SNX27: variants seen among roughly 807,000 people sequenced by gnomAD.
SNX27 encodes the protein sorting nexin-27.
SNX27 carries 22 observed loss-of-function variants against 71.6 expected under a neutral mutation model. The ratio of observed to expected loss-of-function variants is 0.31; its 90% CI spans 0.22 to 0.44. The LOEUF is 0.44. Ranked by LOEUF, SNX27 falls within the 20% of genes least tolerant of loss-of-function variation. The pLI is 1.00. For synonymous variants in SNX27, 269 were observed against 277.2 expected (o/e 0.97, Z 0.29); for missense variants, 531 against 698.6 (o/e 0.76, Z 2.70).
chr1:151,644,877 C>T (rs1166826837), intron 2 of SNX27, among the ~76,000 whole-genome samples: 1 of 152,086 alleles, frequency 6.6e-6, no homozygotes, highest in African/African-American at 2.4e-5. Flanking sequence ...TGGCCCACTG[C>T]AGCCTCTGCC....
At position 151,648,603 on chromosome 1, in the gene SNX27, G is replaced by A. The variant is rs564025393; in HGVS notation, c.543+9484G>A. 2.0e-5 allele frequency among the ~76,000 whole-genome samples: 3 copies of A among 152,100 alleles called. No homozygotes were observed. In the East Asian group the frequency reaches 5.8e-4, roughly 30 times the overall value. On this transcript the variant is annotated intron_variant, in intron 2 of 11. Transcript: ENST00000458013. ...CCTGGCTAATTTTGTATTTTTAGTAGAGACAGGGTTTCTCCATGTTGTCCA... is the reference window on the plus strand; with the variant it reads ...CCTGGCTAATTTTGTATTTTTAGTAAAGACAGGGTTTCTCCATGTTGTCCA...
intron 4 of SNX27, among the ~76,000 whole-genome samples, chr1:151,661,863 A>G (rs1669977656): frequency 6.6e-6 from 1 of 152,174 alleles, no homozygotes; most frequent in African/African-American, 2.4e-5. Context: ...TGAATGGGGA[A>G]AGGGAAGCGA....
At chr1:151,616,741 G>T (rs904533921) in intron 1 of SNX27, among the ~76,000 whole-genome samples, 1 of 152,174 alleles carries the variant, frequency 6.6e-6, no homozygotes, top group Non-Finnish European at 1.5e-5. Context: ...TTGAAATAAT[G>T]AAATCATGGT....
chr1:151,645,401 A>T (rs999714876), intron 2 of SNX27, among the ~76,000 whole-genome samples: 1 of 152,150 alleles, frequency 6.6e-6, no homozygotes, highest in Non-Finnish European at 1.5e-5. Context: ...CATATTTATG[A>T]ATGTTACATT....
chr1:151,673,821 T>C (rs187760883), intron 7 of SNX27, among the ~76,000 whole-genome samples: 19 of 152,332 alleles, frequency 1.2e-4, no homozygotes, highest in African/African-American at 4.3e-4. Context: ...ATTTTTGTCT[T>C]ACAATCTATT....
intron 5 of SNX27, among the ~76,000 whole-genome samples, chr1:151,665,129 A>AGAG (rs1433638097): frequency 4.6e-5 from 7 of 152,206 alleles, no homozygotes; most frequent in African/African-American, 1.7e-4. Context: ...GGCATGAAAA[A>AGAG]GAGATACCTT....
intron 7 of SNX27, among the ~76,000 whole-genome samples, chr1:151,674,914 T>G (rs1405703305): frequency 6.6e-6 from 1 of 151,164 alleles, no homozygotes; most frequent in Non-Finnish European, 1.5e-5. Context: ...TCTTGATCTC[T>G]TGACCTTGTG....
chr1:151,650,956 G>T (rs1445690766), intron 2 of SNX27, among the ~76,000 whole-genome samples: 22 of 152,288 alleles, frequency 1.4e-4, no homozygotes, highest in African/African-American at 4.1e-4. Context: ...GGCAGAAGAA[G>T]TTTTCTTAGT....
chr1:151,677,420 C>A (rs1017361503), intron 7 of SNX27: 20 of 152,038 alleles, frequency 1.3e-4, no homozygotes, highest in African/African-American at 4.6e-4. Context: ...GTAGAAAAAT[C>A]ATTAGCTAGG....
intron 7 of SNX27, among the ~76,000 whole-genome samples, chr1:151,668,852 A>G (rs973578634): frequency 6.6e-6 from 1 of 152,206 alleles, no homozygotes; most frequent in African/African-American, 2.4e-5. Flanking sequence ...TTTTTTAAAT[A>G]TGTATTCTAA....
chr1:151,676,375 G>A (rs1343621694), intron 7 of SNX27: 4 of 125,098 alleles, frequency 3.2e-5, no homozygotes, highest in Non-Finnish European at 6.4e-5. Context: ...GCACAATCTC[G>A]GCTCACTGCA....
intron 11 of SNX27, chr1:151,693,965 A>G (rs2102746141): frequency 1.6e-6 from 2 of 1,258,872 alleles, no homozygotes; most frequent in South Asian, 2.5e-5. Flanking sequence ...AAGATTCTGA[A>G]TAATTAGTTA....
intron 1 of SNX27, among the ~76,000 whole-genome samples, chr1:151,624,409 T>A (rs892750390): frequency 7.7e-6 from 1 of 129,778 alleles, no homozygotes; most frequent in Non-Finnish European, 1.6e-5. Context: ...TAGCTTGATT[T>A]TATATATATA....
At chr1:151,660,072 C>A (rs1049371874) in intron 3 of SNX27, 2 of 151,994 alleles carry the variant, frequency 1.3e-5, no homozygotes, top group Non-Finnish European at 2.9e-5. Flanking sequence ...TGAACAAAGC[C>A]CTTGGGAAAT....
rs1241339166 is a variant in SNX27, at chr1:151,698,641, G to C, written c.*4224G>C. On this transcript the variant is annotated 3_prime_UTR_variant, in exon 12 of 12. Coordinates refer to ENST00000458013, the MANE Select transcript of SNX27 (RefSeq NM_001330723.2). ...CCTAAACCTGAGCACATCACGCCAG[G>C]CCTCTTTGCTGCCAGGACAGCATCA... is the stretch of plus-strand genomic sequence containing the variant. 1 of 152,384 alleles carries C rather than the reference G, an allele frequency of 6.6e-6. No homozygotes were observed. The highest frequency in any genetic ancestry group is 1.9e-4 in the East Asian group (1 of 5,198). The allele number at this position is 152,384 out of a possible 1,614,324, so 9.4% of individuals were successfully genotyped here. A position where few individuals can be genotyped will look rare whatever the true frequency, so the allele number is the denominator to read the frequency against.
At chr1:151,673,531 A>G (rs930694267) in intron 7 of SNX27, among the ~76,000 whole-genome samples, 5 of 152,194 alleles carry the variant, frequency 3.3e-5, no homozygotes, top group Admixed American at 1.3e-4. Context: ...GTAAATGTCT[A>G]TTAGATTCAT....
In SNX27 at chr1:151,612,197, G is replaced by T. The variant is rs1434568847; in HGVS notation, c.-5G>T. On this transcript the variant is annotated 5_prime_UTR_variant, in exon 1 of 12. Coordinates refer to ENST00000458013, the MANE Select transcript of SNX27 (RefSeq NM_001330723.2). The surrounding 1 kb of genome is among the most constrained non-coding windows in gnomAD (Gnocchi z 5.2). ...GGGCGGGGGTACGGCTCGCCTGCTC[G>T]CAAGATGGCGGACGAGGACGGGGAA... The T allele has an allele frequency of 1.1e-5, 15 of 1,338,738 alleles. No homozygotes were observed. Among genetic ancestry groups the T allele is most frequent in the South Asian group, 1.8e-5 (1 of 54,862 alleles). The allele number at this position is 1,338,738 out of a possible 1,614,324, so 82.9% of individuals were successfully genotyped here.
chr1:151,671,271 T>C (rs927199196), intron 7 of SNX27, among the ~76,000 whole-genome samples: 1 of 151,712 alleles, frequency 6.6e-6, no homozygotes, highest in African/African-American at 2.4e-5. Flanking sequence ...AGGGTCTCGC[T>C]TTGTCACCCA....
intron 7 of SNX27, chr1:151,676,818 G>A (rs1351661646): frequency 6.6e-6 from 1 of 151,888 alleles, no homozygotes; most frequent in Non-Finnish European, 1.5e-5. Context: ...ATGAATGGTT[G>A]GTCTAAGTTA....
Sources: gnomAD v4.1 joint callset for allele counts (sites outside exome capture counted in the v4.1 genomes callset) on GRCh38, gnomAD v4.1.1 for gene constraint, Gnocchi (gnomAD v3.1) non-coding constraint, MANE v1.5 for transcripts, NCBI Gene and HGNC (gene_info 2026-07-23, HGNC 2026-07-21) for gene names.